CTC1: variants seen among roughly 807,000 people sequenced by gnomAD.
The protein encoded by CTC1 is CST telomere replication complex component 1, also known as CST complex subunit CTC1.
A neutral mutation model predicts 136.3 loss-of-function variants in CTC1; 91 were observed. The ratio of observed to expected loss-of-function variants is 0.67; its 90% CI spans 0.56 to 0.79. The LOEUF is 0.79. Among genes scored for constraint, CTC1 ranks in the 30% least tolerant of loss-of-function variants. CTC1 has a pLI of 0.00. For missense variants in CTC1, 1,432 were observed against 1,498.1 expected, an observed-to-expected ratio of 0.96 and a Z score of 0.73; for synonymous variants, 606 against 613.8, an observed-to-expected ratio of 0.99 and a Z score of 0.19.
At chr17:8,232,873 C>T in intron 11 of CTC1, 33 bp downstream of exon 11, 1 of 1,610,938 alleles carries the variant, frequency 6.2e-7, no homozygotes, top group Non-Finnish European at 8.5e-7. Context: ...CACCATCCCA[C>T]TACCATCTTC....
At chr17:8,235,336 A>G (rs765903668) in intron 7 of CTC1, 51 bp from the exon 8 acceptor site, 8 of 1,405,316 alleles carry the variant, frequency 5.7e-6, no homozygotes, top group Non-Finnish European at 8.0e-6. Flanking sequence ...CCCCAACTCA[A>G]TGAACCCAGG....
At chr17:8,244,731 T>C (rs2151550587) in intron 1 of CTC1, among the ~76,000 whole-genome samples, 1 of 152,272 alleles carries the variant, frequency 6.6e-6, no homozygotes. Context: ...TTCACCATGT[T>C]GGCCAAGCTA....
chr17:8,237,180 C>T (rs1987801085), intron 5 of CTC1, among the ~76,000 whole-genome samples, 195 bp downstream of exon 5: 1 of 152,014 alleles, frequency 6.6e-6, no homozygotes, highest in Non-Finnish European at 1.5e-5. Context: ...AAGTGAGTTG[C>T]ACAGCGGGAA....
At chr17:8,228,944 C>A (rs1014611179) in intron 20 of CTC1, 52 bp from the exon 21 acceptor site, 7 of 1,561,204 alleles carry the variant, frequency 4.5e-6, no homozygotes, top group Non-Finnish European at 6.1e-6. Flanking sequence ...AGGTTGCCAA[C>A]ACCCTGGACC....
In CTC1 at chr17:8,231,917, C is replaced by A. The variant is rs754090012; in HGVS notation, c.2371G>T (p.Asp791Tyr). ...WGLPEPQGND[D>Y]NDQKVHLIFF... is the part of the protein sequence containing the mutation. ...TCCCAGTTTACCTTCTGATCATTGT[C>A]GTCATTTCCCTGGGGCTCGGGCAGC... The change falls in exon 13 of 23, where the codon GAC becomes TAC. Residue 791 changes from aspartate to tyrosine, a missense_variant. By Grantham distance (160) the Asp-to-Tyr change is radical. Transcript: ENST00000651323. 1.2e-6 allele frequency: 2 copies of A among 1,613,424 alleles called. No individual in the cohort carries two copies. The highest frequency in any genetic ancestry group is 1.1e-5 in the South Asian group (1 of 91,018).
At chr17:8,242,297 T>C (rs1033990371) in intron 2 of CTC1, among the ~76,000 whole-genome samples, 2 of 152,030 alleles carry the variant, frequency 1.3e-5, no homozygotes, top group Middle Eastern at 3.4e-3. Context: ...CCTCCCAAAG[T>C]GTTGGGATTA....
In CTC1 at chr17:8,226,992, G is replaced by C. The variant is rs562025086; in HGVS notation, c.*1188C>G. 1.3e-5 allele frequency: 2 copies of C among 152,552 alleles called. No individual in the cohort carries two copies. Among genetic ancestry groups the C allele is most frequent in the African/African-American group, 4.8e-5 (2 of 41,434 alleles). The allele number at this position is 152,552 out of a possible 1,614,324, so 9.4% of individuals were successfully genotyped here. On this transcript the variant is annotated 3_prime_UTR_variant, in exon 23 of 23. Coordinates refer to ENST00000651323, the MANE Select transcript of CTC1 (RefSeq NM_025099.6). ...CACACACAAAAAAAAGCCACCCACTGGCCCGTACGGGGTTCGAACCCGCGA... is the reference window on the plus strand; with the variant it reads ...CACACACAAAAAAAAGCCACCCACTCGCCCGTACGGGGTTCGAACCCGCGA...
intron 15 of CTC1, 84 bp downstream of exon 15, chr17:8,231,192 G>T: frequency 1.8e-6 from 2 of 1,095,718 alleles, no homozygotes; most frequent in Non-Finnish European, 2.6e-6. Flanking sequence ...TCCTGCAGCA[G>T]AAAATGAAGT....
intron 15 of CTC1, chr17:8,230,923 G>A (rs774752098): frequency 1.1e-4 from 54 of 507,202 alleles, no homozygotes; most frequent in Admixed American, 5.2e-4. Flanking sequence ...GCTCACTTAA[G>A]GTCAAGAACT....
rs898346102 is a variant in CTC1 at position 8,230,292 on chromosome 17, A to G, written c.2933+2T>C. On this transcript the variant is annotated splice_donor_variant, in intron 17 of 22. Coordinates refer to ENST00000651323, the MANE Select transcript of CTC1 (RefSeq NM_025099.6). LOFTEE classifies it high-confidence loss of function. ...GAGGCAGGTGACACTACACATCTTC[A>G]CCTGGAAACCCTTTTCTCCAACTGG... 6.2e-7 allele frequency: 1 copy of G among 1,608,882 alleles called. No homozygotes were observed. The highest frequency in any genetic ancestry group is 1.3e-5 in the African/African-American group (1 of 74,830).
rs573286497 is a variant in CTC1 at position 8,227,073 on chromosome 17, T to A, written c.*1107A>T. On this transcript the variant is annotated 3_prime_UTR_variant, in exon 23 of 23. Transcript: ENST00000651323. ...AACTGAGCTAACCGGCCACTAACTT[T>A]CCGGGTCTACTTCAAATCTTAATAT... 2.1e-4 allele frequency: 31 copies of A among 150,754 alleles called. No homozygotes were observed. The highest frequency in any genetic ancestry group is 7.3e-4 in the African/African-American group (29 of 39,940). 9.3% of individuals were successfully genotyped at this position (150,754 alleles called of 1,614,324 possible).
At position 8,235,894 on chromosome 17, in the gene CTC1, G is replaced by A. The variant is rs1987672195; in HGVS notation, c.1143C>T (p.Leu381=). 1.2e-6 allele frequency: 2 copies of A among 1,613,950 alleles called. No homozygotes were observed. The highest frequency in any genetic ancestry group is 1.7e-6 in the Non-Finnish European group (2 of 1,179,840). ...GLYELDGQLG[L]CLAYQQFRGL... ...CACGGAACTGCTGGTAGGCAAGGCA[G>A]AGCCCCAGCTGCCCATCCAGCTCAT... The change falls in exon 7 of 23, where the codon CTC becomes CTT. Residue 381 remains leucine, a synonymous_variant. Coordinates refer to ENST00000651323, the MANE Select transcript of CTC1 (RefSeq NM_025099.6).
At position 8,228,508 on chromosome 17, in the gene CTC1, G is replaced by A. The variant is rs1986913831; in HGVS notation, c.3509C>T (p.Pro1170Leu). 1 of 1,613,898 alleles carries A rather than the reference G, an allele frequency of 6.2e-7. No homozygotes were observed. Among genetic ancestry groups the A allele is most frequent in the African/African-American group, 1.3e-5 (1 of 74,850 alleles). The change falls in exon 22 of 23, where the codon CCA becomes CTA. Residue 1170 changes from proline to leucine, a missense_variant. Physicochemically the swap from Pro to Leu is moderately conservative, Grantham distance 98. Coordinates refer to ENST00000651323, the MANE Select transcript of CTC1 (RefSeq NM_025099.6). The stretch of plus-strand genomic sequence containing the variant: ...CCCCCCGTCTCCAACCTTACCTAAT[G>A]GGACGATCTTCGACGGTTTCCTTTC... ...ELERKPSKIV[P>L]LEPPRLQRFQ...
intron 10 of CTC1, among the ~76,000 whole-genome samples, chr17:8,234,006 C>T (rs1296823591): frequency 3.3e-5 from 5 of 151,698 alleles, no homozygotes; most frequent in Admixed American, 2.0e-4. Context: ...CCTTTTTTTT[C>T]CTGAGTCTTG....
intron 14 of CTC1, 21 bp from the exon 15 acceptor site, chr17:8,231,490 G>A (rs773648817): frequency 1.1e-5 from 17 of 1,578,680 alleles, no homozygotes; most frequent in East Asian, 4.5e-5. Flanking sequence ...ATGGGAAGAC[G>A]ACTGCCTGTG....
In CTC1 at chr17:8,236,303, C is replaced by T. The variant is rs776746902; in HGVS notation, c.832G>A (p.Gly278Ser). The T allele has an allele frequency of 6.2e-7, 1 of 1,611,778 alleles. No homozygotes were observed. The highest frequency in any genetic ancestry group is 8.5e-7 in the Non-Finnish European group (1 of 1,180,018). The change falls in exon 6 of 23, where the codon GGT becomes AGT. Residue 278 changes from glycine (G) to serine (S), a missense_variant. Transcript: ENST00000651323. Reference sequence around the variant, plus strand: ...AGTTCTGTCAGCACATAGGCTGTACCAGGCCGAAGGGCTCTGTGCCACACC... The same window carrying T: ...AGTTCTGTCAGCACATAGGCTGTACTAGGCCGAAGGGCTCTGTGCCACACC... ...QLVWHRALRP[G>S]TAYVLTELRV...
Position 8,234,651 on chromosome 17 carries a change from G to C in CTC1, c.1622C>G (p.Thr541Ser), listed in dbSNP as rs761692881. Residue 541 changes from threonine to serine, a missense_variant, in exon 10 of 23, where the codon ACT (threonine) becomes AGT (serine). Physicochemically the swap from Thr to Ser is moderately conservative, Grantham distance 58. Transcript: ENST00000651323. Reference sequence around the variant, plus strand: ...GAAGGAGGAGGGAGTCTGCAGCCGAGTGTACTGTCAAGGAGGGAAGAGAAA... The same window carrying C: ...GAAGGAGGAGGGAGTCTGCAGCCGACTGTACTGTCAAGGAGGGAAGAGAAA... ...EPHHCPLQKY[T>S]RLQTPSSFPT... is the part of the protein sequence containing the mutation. 2 of 1,610,376 alleles carry C rather than the reference G, an allele frequency of 1.2e-6. No individual in the cohort carries two copies. Among genetic ancestry groups the C allele is most frequent in the South Asian group, 1.1e-5 (1 of 90,530 alleles).
chr17:8,231,551 G>T, intron 14 of CTC1, 82 bp from the exon 15 acceptor site: 1 of 1,382,812 alleles, frequency 7.2e-7, no homozygotes, highest in Non-Finnish European at 1.0e-6. Context: ...ACCCAATTTT[G>T]TTCTTTCTGG....
chr17:8,224,826 A>G lies in CTC1; in HGVS notation c.*3354T>C, dbSNP rs1454189678. ...ACCAAGAACTAACAAACAGCTGATCATTCGTTTATTTTATTTCATTTTTTT... is the reference window on the plus strand; with the variant it reads ...ACCAAGAACTAACAAACAGCTGATCGTTCGTTTATTTTATTTCATTTTTTT... On this transcript the variant is annotated 3_prime_UTR_variant, in exon 23 of 23. Transcript: ENST00000651323. 1.3e-5 allele frequency: 2 copies of G among 151,994 alleles called. No homozygotes were observed. The highest frequency in any genetic ancestry group is 2.9e-5 in the Non-Finnish European group (2 of 68,002). 9.4% of individuals were successfully genotyped at this position (151,994 alleles called of 1,614,324 possible). A position where few individuals can be genotyped will look rare whatever the true frequency, so the allele number is the denominator to read the frequency against.
Sources: gnomAD v4.1 joint callset for allele counts (sites outside exome capture counted in the v4.1 genomes callset) on GRCh38, gnomAD v4.1.1 for gene constraint, MANE v1.5 for transcripts, NCBI Gene and HGNC (gene_info 2026-07-23, HGNC 2026-07-21) for gene names.